RIMKLA: variants seen among roughly 807,000 people sequenced by gnomAD.
The protein encoded by RIMKLA is N-acetylaspartylglutamate synthase A.
In RIMKLA, 14 loss-of-function variants were observed where a neutral mutation model predicts 32.7. The observed-to-expected ratio is 0.43, with a 90% CI of 0.28 to 0.67. The LOEUF (loss-of-function observed/expected upper bound fraction) is 0.67, where lower values mean the gene tolerates loss of function less well. RIMKLA is among the 30% of genes least tolerant of loss of function. RIMKLA has a pLI of 0.18. For synonymous variants in RIMKLA, 176 were observed against 204.1 expected, an observed-to-expected ratio of 0.86 and a Z score of 1.18; for missense variants, 410 against 519.0, an observed-to-expected ratio of 0.79 and a Z score of 2.04.
At chr1:42,386,528 C>G (rs1039586086) in intron 1 of RIMKLA, among the ~76,000 whole-genome samples, 1 of 151,574 alleles carries the variant, frequency 6.6e-6, no homozygotes, top group Non-Finnish European at 1.5e-5. Context: ...ATTGTTTTAA[C>G]ACAAACCTAC....
At chr1:42,388,120 G>A (rs968258363) in intron 1 of RIMKLA, among the ~76,000 whole-genome samples, 3 of 152,166 alleles carry the variant, frequency 2.0e-5, no homozygotes, top group Non-Finnish European at 4.4e-5. Flanking sequence ...AGAGAGGGGA[G>A]TGGGGGAAGA....
chr1:42,412,559 C>T (rs779641846), intron 4 of RIMKLA: 16 of 474,804 alleles, frequency 3.4e-5, no homozygotes, highest in Non-Finnish European at 6.6e-5. Context: ...TCAAATTGCA[C>T]ATCAGACTGG....
In RIMKLA at chr1:42,424,129, T is replaced by C. The variant is rs868847949; in HGVS notation, c.*9155T>C. The stretch of plus-strand genomic sequence containing the variant: ...TGTACTGTATTGCCTGATAGTATCA[T>C]ATCAATGTCAATTTCCTCATTTTGG... On this transcript the variant is annotated 3_prime_UTR_variant, in exon 5 of 5. Coordinates refer to ENST00000431473, the MANE Select transcript of RIMKLA (RefSeq NM_173642.4). Among the ~76,000 whole-genome samples, 13 of 152,246 alleles carry C rather than the reference T, an allele frequency of 8.5e-5. No individual in the cohort carries two copies. Among genetic ancestry groups the C allele is most frequent in the Admixed American group, 3.9e-4 (6 of 15,292 alleles).
At chr1:42,381,779 G>A (rs551380371) in intron 1 of RIMKLA, among the ~76,000 whole-genome samples, 3 of 152,242 alleles carry the variant, frequency 2.0e-5, no homozygotes, top group African/African-American at 7.2e-5. Context: ...GACTTTTGTG[G>A]GTAAGACATG....
chr1:42,400,769 A>G (rs1270496142), intron 2 of RIMKLA, among the ~76,000 whole-genome samples: 1 of 152,184 alleles, frequency 6.6e-6, no homozygotes, highest in African/African-American at 2.4e-5. Context: ...GGCAGCAGAT[A>G]AATGAATCTG....
chr1:42,416,649 CA>C lies in RIMKLA; in HGVS notation c.*1677del, dbSNP rs746933629. On this transcript the variant is annotated 3_prime_UTR_variant, in exon 5 of 5. Coordinates refer to ENST00000431473, the MANE Select transcript of RIMKLA (RefSeq NM_173642.4). The stretch of plus-strand genomic sequence containing the variant: ...TCACTGGAATAAACATACATCTTCC[CA>C]AGGTGACTACTTCAAAGGCAACACT... 1 of 152,196 alleles carries C rather than the reference CA, an allele frequency of 6.6e-6. No individual in the cohort carries two copies. The highest frequency in any genetic ancestry group is 2.4e-5 in the African/African-American group (1 of 41,450). 9.4% of individuals were successfully genotyped at this position (152,196 alleles called of 1,614,324 possible). A position where few individuals can be genotyped will look rare whatever the true frequency, so the allele number is the denominator to read the frequency against.
chr1:42,390,569 C>G, intron 1 of RIMKLA, among the ~76,000 whole-genome samples: 1 of 152,108 alleles, frequency 6.6e-6, no homozygotes, highest in South Asian at 2.1e-4. Context: ...CTATATGTCA[C>G]AGGTGCAGGT....
At position 42,422,424 on chromosome 1, in the gene RIMKLA, T is replaced by C. The variant is rs1426285964; in HGVS notation, c.*7450T>C. 6.6e-6 allele frequency: 1 copy of C among 152,362 alleles called. No individual in the cohort carries two copies. The highest frequency in any genetic ancestry group is 1.5e-5 in the Non-Finnish European group (1 of 68,042). The allele number at this position is 152,362 out of a possible 1,614,324, so 9.4% of individuals were successfully genotyped here. ...CTGCCTAACTGGCAAAATGAAAATA[T>C]GCTGAAAAGAATACATCTTAACTAG... On this transcript the variant is annotated 3_prime_UTR_variant, in exon 5 of 5. Coordinates refer to ENST00000431473, the MANE Select transcript of RIMKLA (RefSeq NM_173642.4).
chr1:42,396,754 T>TATGTAC (rs749427920), intron 1 of RIMKLA, among the ~76,000 whole-genome samples: 22 of 146,630 alleles, frequency 1.5e-4, no homozygotes, highest in Admixed American at 8.1e-4. Context: ...CTACTTTGCT[T>TATGTAC]AGTAGAATGT....
intron 3 of RIMKLA, 151 bp from the exon 4 acceptor site, chr1:42,409,833 T>C (rs1643181498): frequency 5.9e-6 from 4 of 681,698 alleles, no homozygotes; most frequent in African/African-American, 3.6e-5. Context: ...GGTCATTTGA[T>C]AAGAAACAAA....
Position 42,415,792 on chromosome 1 carries a change from G to A in RIMKLA, c.*818G>A, listed in dbSNP as rs1333218961. On this transcript the variant is annotated 3_prime_UTR_variant, in exon 5 of 5. Coordinates refer to ENST00000431473, the MANE Select transcript of RIMKLA (RefSeq NM_173642.4). ...ACTAGAATCTAACACCATGGACTTT[G>A]TTTTTCAATGGACTCTGTTCACTTG... is the stretch of plus-strand genomic sequence containing the variant. The A allele has an allele frequency of 6.6e-6, 1 of 152,204 alleles. No individual in the cohort carries two copies. The highest frequency in any genetic ancestry group is 1.5e-5 in the Non-Finnish European group (1 of 68,030). The allele number at this position is 152,204 out of a possible 1,614,324, so 9.4% of individuals were successfully genotyped here. A position where few individuals can be genotyped will look rare whatever the true frequency, so the allele number is the denominator to read the frequency against.
At chr1:42,401,977 C>T (rs541935682) in intron 2 of RIMKLA, among the ~76,000 whole-genome samples, 20 of 152,216 alleles carry the variant, frequency 1.3e-4, no homozygotes, top group African/African-American at 3.9e-4. Flanking sequence ...CTTACTGCAT[C>T]GAAAAGAAAG....
rs1489098705 is a variant in RIMKLA, at chr1:42,421,779, G to A, written c.*6805G>A. On this transcript the variant is annotated 3_prime_UTR_variant, in exon 5 of 5. Coordinates refer to ENST00000431473, the MANE Select transcript of RIMKLA (RefSeq NM_173642.4). This position sits in a 1 kb window ranked among gnomAD's most constrained non-coding sequence, Gnocchi z 4.6. Reference sequence around the variant, plus strand: ...GTAAACACAGCCACAGTGACCATTAGAGATTATATTAACCTGCAATTAAAT... The same window carrying A: ...GTAAACACAGCCACAGTGACCATTAAAGATTATATTAACCTGCAATTAAAT... 1 of 152,192 alleles carries A rather than the reference G, an allele frequency of 6.6e-6. No individual in the cohort carries two copies. The highest frequency in any genetic ancestry group is 2.4e-5 in the African/African-American group (1 of 41,436). The allele number at this position is 152,192 out of a possible 1,614,324, so 9.4% of individuals were successfully genotyped here.
intron 2 of RIMKLA, among the ~76,000 whole-genome samples, chr1:42,400,385 A>G (rs1643087132): frequency 6.6e-6 from 1 of 152,114 alleles, no homozygotes; most frequent in Non-Finnish European, 1.5e-5. Context: ...TACTGTGGAG[A>G]AGGAATTGGA....
rs1557750067 is a variant in RIMKLA, at chr1:42,385,875, TTTCTTTCTTTCTTTCTTTCTTTCC to T, written c.163+4786_163+4809del. Among the ~76,000 whole-genome samples, 504 of 85,936 alleles carry T rather than the reference TTTCTTTCTTTCTTTCTTTCTTTCC, an allele frequency of 5.9e-3. 65 individuals carry two copies. Among genetic ancestry groups the T allele is most frequent in the African/African-American group, 8.0e-3 (185 of 23,040 alleles). 56.4% of individuals were successfully genotyped at this position (85,936 alleles called of 152,430 possible). On this transcript the variant is annotated intron_variant, in intron 1 of 4. Transcript: ENST00000431473. ...CTTTCTTTCTTTCTTTCTTTCTTTC[TTTCTTTCTTTCTTTCTTTCTTTCC>T]TTCTTTCCTTCTTTCCTTCTTTCTT...
At chr1:42,398,867 G>A (rs865830166) in intron 1 of RIMKLA, among the ~76,000 whole-genome samples, 6 of 151,096 alleles carry the variant, frequency 4.0e-5, no homozygotes, top group South Asian at 2.1e-4. Context: ...CTGGGGAGTC[G>A]GAAGTGGGAG....
chr1:42,401,779 G>A (rs1308734759), intron 2 of RIMKLA, among the ~76,000 whole-genome samples: 1 of 152,224 alleles, frequency 6.6e-6, no homozygotes, highest in East Asian at 1.9e-4. Flanking sequence ...ATAGTTAAGG[G>A]ATGATGCAGG....
At chr1:42,385,837 T>C (rs1391708732) in intron 1 of RIMKLA, among the ~76,000 whole-genome samples, 6,045 of 80,224 alleles carry the variant, frequency 0.075, 1,319 homozygotes, top group Middle Eastern at 0.15. Context: ...CCTTTCTTTC[T>C]TTCTTTCTCT....
At chr1:42,409,894 C>T in intron 3 of RIMKLA, 90 bp from the exon 4 acceptor site, 1 of 988,308 alleles carries the variant, frequency 1.0e-6, no homozygotes, top group Non-Finnish European at 1.6e-6. Context: ...TTAGAAAGAA[C>T]TGATGACTTT....
Sources: gnomAD v4.1 joint callset for allele counts (sites outside exome capture counted in the v4.1 genomes callset) on GRCh38, gnomAD v4.1.1 for gene constraint, Gnocchi (gnomAD v3.1) non-coding constraint, MANE v1.5 for transcripts, NCBI Gene and HGNC (gene_info 2026-07-23, HGNC 2026-07-21) for gene names.